The following PRIM2 variants were observed in gnomAD, a reference collection of about 807,000 sequenced individuals.
PRIM2 encodes the protein DNA primase large subunit.
In PRIM2, 39 loss-of-function variants were observed where a neutral mutation model predicts 67.3. The ratio of observed to expected loss-of-function variants is 0.58; its 90% CI spans 0.45 to 0.76. The LOEUF is 0.76. Among genes scored for constraint, PRIM2 ranks in the 30% least tolerant of loss-of-function variants. The probability of loss-of-function intolerance (pLI) is 0.00; values close to 1 mark genes in which losing one functional copy is unlikely to be tolerated. For synonymous variants in PRIM2, 143 were observed against 198.7 expected (o/e 0.72, Z 2.36); for missense variants, 398 against 598.7 (o/e 0.66, Z 3.50).
At chr6:57,536,936 C>T (rs1423471278) in intron 9 of PRIM2, among the ~76,000 whole-genome samples, 2 of 137,304 alleles carry the variant, frequency 1.5e-5, no homozygotes, top group Admixed American at 1.4e-4. Flanking sequence ...ATGTATGAAC[C>T]TACATGTGAC....
chr6:57,350,725 T>A (rs1224940339), intron 5 of PRIM2, among the ~76,000 whole-genome samples: 1 of 152,140 alleles, frequency 6.6e-6, no homozygotes, highest in Non-Finnish European at 1.5e-5. Context: ...GGTTCTTTCT[T>A]CCCTTTCCAG....
intron 7 of PRIM2, among the ~76,000 whole-genome samples, chr6:57,486,422 T>C (rs1302315124): frequency 6.6e-6 from 1 of 152,252 alleles, no homozygotes; most frequent in Non-Finnish European, 1.5e-5. Flanking sequence ...GTGGAACATA[T>C]TTGTATTTTG....
intron 5 of PRIM2, among the ~76,000 whole-genome samples, chr6:57,331,332 G>T (rs1368820989): frequency 6.6e-6 from 1 of 152,098 alleles, no homozygotes; most frequent in African/African-American, 2.4e-5. Flanking sequence ...TTTTGTTGAG[G>T]ATTTTTGCAT....
At position 57,379,996 on chromosome 6, in the gene PRIM2, G is replaced by A. The variant is rs760928579; in HGVS notation, c.555G>A (p.Lys185=). The A allele has an allele frequency of 6.4e-7, 1 of 1,552,548 alleles. No individual in the cohort carries two copies. Among genetic ancestry groups the A allele is most frequent in the East Asian group, 2.4e-5 (1 of 41,328 alleles). The change falls in exon 6 of 14, where the codon AAG becomes AAA. Residue 185 remains lysine (K), a splice_region_variant and synonymous_variant. Coordinates refer to ENST00000615550, the MANE Select transcript of PRIM2 (RefSeq NM_000947.5). The part of the protein sequence containing the change: ...GLKLGFESIY[K]IPFADALDLF... Reference sequence around the variant, plus strand: ...AGTTGGGGTTCGAGTCCATTTATAAGGTATGTAAACATGTAAAATACTTCC... The same window carrying A: ...AGTTGGGGTTCGAGTCCATTTATAAAGTATGTAAACATGTAAAATACTTCC...
intron 10 of PRIM2, among the ~76,000 whole-genome samples, chr6:57,562,921 C>T (rs1481315076): frequency 4.6e-5 from 7 of 152,172 alleles, no homozygotes; most frequent in Non-Finnish European, 8.8e-5. Flanking sequence ...ATTGCAATAG[C>T]TTCCTAATTC....
At chr6:57,516,863 TTAAC>T (rs1465258459) in intron 8 of PRIM2, among the ~76,000 whole-genome samples, 1 of 152,188 alleles carries the variant, frequency 6.6e-6, no homozygotes, top group Non-Finnish European at 1.5e-5. Flanking sequence ...AAAGAGAAGT[TTAAC>T]TAAAGTAATT....
At chr6:57,250,029 G>C in the PRIM2 span, among the ~76,000 whole-genome samples, 3 of 152,172 alleles carry the variant, frequency 2.0e-5, no homozygotes, top group Admixed American at 6.5e-5. Flanking sequence ...TTCCACTGTG[G>C]CTTAGATTGT....
At chr6:57,591,556 G>A (rs1447030471) in intron 10 of PRIM2, among the ~76,000 whole-genome samples, 11 of 152,030 alleles carry the variant, frequency 7.2e-5, no homozygotes, top group Non-Finnish European at 4.4e-5. Context: ...CTTTTAATAT[G>A]TAAATTAGAG....
intron 7 of PRIM2, among the ~76,000 whole-genome samples, chr6:57,403,595 T>C (rs1309863833): frequency 4.6e-5 from 7 of 152,140 alleles, no homozygotes; most frequent in Non-Finnish European, 1.0e-4. Flanking sequence ...TTTTGGATTT[T>C]CCTTTTATTT....
intron 7 of PRIM2, among the ~76,000 whole-genome samples, chr6:57,406,187 C>A (rs1215654056): frequency 2.0e-5 from 3 of 152,100 alleles, no homozygotes; most frequent in Non-Finnish European, 4.4e-5. Context: ...GGGAGTAAGA[C>A]CACTGCTTTT....
chr6:57,417,489 C>G (rs1306323437), intron 7 of PRIM2, among the ~76,000 whole-genome samples: 1 of 152,100 alleles, frequency 6.6e-6, no homozygotes, highest in Non-Finnish European at 1.5e-5. Context: ...TACTTAAAGG[C>G]CATTGTGAGT....
chr6:57,457,069 T>C (rs113993259), intron 7 of PRIM2, among the ~76,000 whole-genome samples: 1 of 152,216 alleles, frequency 6.6e-6, no homozygotes, highest in South Asian at 2.1e-4. Context: ...ACCCTGTTTG[T>C]CTGGGTATCA....
At chr6:57,255,018 T>A in the PRIM2 span, among the ~76,000 whole-genome samples, 1 of 152,174 alleles carries the variant, frequency 6.6e-6, no homozygotes, top group Non-Finnish European at 1.5e-5. Flanking sequence ...GTTACAGAAA[T>A]AAACTGTCTT....
chr6:57,387,291 T>C (rs1043570799), intron 7 of PRIM2, among the ~76,000 whole-genome samples: 5 of 152,178 alleles, frequency 3.3e-5, no homozygotes, highest in Non-Finnish European at 5.9e-5. Flanking sequence ...AAAATTTTAT[T>C]GAACTGACAG....
At chr6:57,437,443 G>T (rs1489506343) in intron 7 of PRIM2, among the ~76,000 whole-genome samples, 3 of 152,040 alleles carry the variant, frequency 2.0e-5, no homozygotes, top group African/African-American at 7.3e-5. Context: ...TCACCTGGTG[G>T]GCTCTCTATG....
intron 7 of PRIM2, among the ~76,000 whole-genome samples, chr6:57,395,725 G>C (rs9475914): frequency 1.3e-5 from 2 of 151,956 alleles, no homozygotes; most frequent in Admixed American, 1.3e-4. Context: ...GTTTGTTTTT[G>C]TTTCTCTAGT....
chr6:57,371,371 G>A (rs1472849076), intron 5 of PRIM2, among the ~76,000 whole-genome samples: 4 of 152,056 alleles, frequency 2.6e-5, no homozygotes, highest in Admixed American at 1.3e-4. Context: ...TGAAGTATTA[G>A]TGGTACTTAG....
At chr6:57,618,670 G>C (rs1776796349) in intron 12 of PRIM2, among the ~76,000 whole-genome samples, 1 of 152,056 alleles carries the variant, frequency 6.6e-6, no homozygotes, top group African/African-American at 2.4e-5. Context: ...CCACTTCTTT[G>C]ACAACCTGCA....
chr6:57,622,493 C>G (rs1776877494), intron 12 of PRIM2, among the ~76,000 whole-genome samples: 1 of 151,960 alleles, frequency 6.6e-6, no homozygotes, highest in African/African-American at 2.4e-5. Flanking sequence ...ACATGTTGGC[C>G]CATAAGTAAG....
Sources: allele counts gnomAD v4.1 joint callset (sites outside exome capture counted in the v4.1 genomes callset), GRCh38; gene constraint gnomAD v4.1.1; transcripts MANE v1.5; gene names NCBI Gene and HGNC (gene_info 2026-07-23, HGNC 2026-07-21).